Variants in SNX29 observed in about 807,000 individuals in gnomAD.
SNX29 encodes the protein sorting nexin 29.
Under a neutral mutation model 102.1 loss-of-function variants are expected in SNX29, and 78 were observed. The ratio of observed to expected loss-of-function variants is 0.76; its 90% CI spans 0.64 to 0.92. The LOEUF (loss-of-function observed/expected upper bound fraction) is 0.92, where lower values mean the gene tolerates loss of function less well. SNX29 is among the 40% of genes least tolerant of loss of function. SNX29 has a pLI of 0.00. For synonymous variants in SNX29, 580 were observed against 414.5 expected, an observed-to-expected ratio of 1.40 and a Z score of -4.85; for missense variants, 1,280 against 1,061.7, an observed-to-expected ratio of 1.21 and a Z score of -2.86.
chr16:12,057,882 A>G (rs750975777), intron 8 of SNX29, among the ~76,000 whole-genome samples: 14 of 151,296 alleles, frequency 9.3e-5, no homozygotes, highest in East Asian at 1.9e-4. Flanking sequence ...CAGTGGCACA[A>G]TCTTGGCTCA....
chr16:12,163,632 G>A (rs2055888662), intron 13 of SNX29, among the ~76,000 whole-genome samples: 1 of 152,200 alleles, frequency 6.6e-6, no homozygotes, highest in Admixed American at 6.5e-5. Context: ...ATCTCCTGTA[G>A]AAGCTTCCCT....
intron 11 of SNX29, among the ~76,000 whole-genome samples, chr16:12,122,636 T>C (rs927673133): frequency 6.6e-6 from 1 of 151,814 alleles, no homozygotes; most frequent in African/African-American, 2.4e-5. Flanking sequence ...GCAAAGGAGA[T>C]GGGCAGAGGC....
Position 12,340,694 on chromosome 16 carries a change from C to T in SNX29, c.1783-15469C>T, listed in dbSNP as rs115149253. The stretch of plus-strand genomic sequence containing the variant: ...AACAGTCGGGAGGGACCAGAAGGGA[C>T]GATCTCCCCTGTCTCTCTTTCACAA... On this transcript the variant is annotated intron_variant, in intron 15 of 20. Transcript: ENST00000566228. Among the ~76,000 whole-genome samples the T allele has an allele frequency of 1.1e-3, 160 of 152,228 alleles. 1 individual carries two copies. The highest frequency in any genetic ancestry group is 3.5e-3 in the African/African-American group (145 of 41,542).
At chr16:12,247,827 C>T (rs1016735796) in intron 14 of SNX29, among the ~76,000 whole-genome samples, 3 of 152,134 alleles carry the variant, frequency 2.0e-5, no homozygotes, top group Non-Finnish European at 4.4e-5. Flanking sequence ...CAGTTATGAC[C>T]ACATGTGCTT....
At chr16:12,155,571 C>G (rs571869219) in intron 13 of SNX29, among the ~76,000 whole-genome samples, 1 of 152,302 alleles carries the variant, frequency 6.6e-6, no homozygotes, top group South Asian at 2.1e-4. Context: ...ACTGAGCCAA[C>G]TATAACTGGG....
rs1300877853 is a variant in SNX29 at position 12,523,821 on chromosome 16, GC to G, written c.2179-879del. Reference sequence around the variant, plus strand: ...TGGGGACCTGTGCCTGCCTTCTGGGGCCACGCTGCACAGCCCAGCCTGGTAT... The same window carrying G: ...TGGGGACCTGTGCCTGCCTTCTGGGGCACGCTGCACAGCCCAGCCTGGTAT... On this transcript the variant is annotated intron_variant, in intron 19 of 20. Transcript: ENST00000566228. 4.6e-5 allele frequency among the ~76,000 whole-genome samples: 7 copies of G among 152,294 alleles called. No homozygotes were observed. The East Asian group carries it at 1.4e-3, about 29-fold the overall frequency.
intron 14 of SNX29, among the ~76,000 whole-genome samples, chr16:12,242,475 C>T (rs1339732321): frequency 6.6e-6 from 1 of 150,872 alleles, no homozygotes; most frequent in African/African-American, 2.4e-5. Flanking sequence ...GTGGCCATCT[C>T]TGTCTGTGAG....
chr16:12,571,512 G>T lies in SNX29; in HGVS notation c.*2883G>T. The T allele has an allele frequency of 1.6e-6, 1 of 616,348 alleles. No homozygotes were observed. The highest frequency in any genetic ancestry group is 2.1e-6 in the Non-Finnish European group (1 of 469,392). The allele number at this position is 616,348 out of a possible 1,614,324, so 38.2% of individuals were successfully genotyped here. On this transcript the variant is annotated 3_prime_UTR_variant, in exon 21 of 21. Transcript: ENST00000566228. The stretch of plus-strand genomic sequence containing the variant: ...AACGAGGGTGGCCCACCTCTCAAGG[G>T]CCTTGGATTCCTGGGACCACCCTTT...
In SNX29 at chr16:12,571,167, G is replaced by C. The variant is rs1024121786; in HGVS notation, c.*2538G>C. The C allele has an allele frequency of 4.3e-6, 1 of 232,452 alleles. No individual in the cohort carries two copies. The highest frequency in any genetic ancestry group is 2.2e-5 in the African/African-American group (1 of 45,276). 14.4% of individuals were successfully genotyped at this position (232,452 alleles called of 1,614,324 possible). On this transcript the variant is annotated 3_prime_UTR_variant, in exon 21 of 21. Coordinates refer to ENST00000566228, the MANE Select transcript of SNX29 (RefSeq NM_032167.5). Reference sequence around the variant, plus strand: ...TTGCTGCTCAGAAGAATCCCGTCCTGCTCTCTAGTGTGGTGGGATGAACTT... The same window carrying C: ...TTGCTGCTCAGAAGAATCCCGTCCTCCTCTCTAGTGTGGTGGGATGAACTT...
chr16:12,538,037 C>A (rs979817001), intron 20 of SNX29, among the ~76,000 whole-genome samples: 1 of 151,850 alleles, frequency 6.6e-6, no homozygotes, highest in Non-Finnish European at 1.5e-5. Flanking sequence ...ATCGTCCTGT[C>A]CTGCTAAAGT....
intron 13 of SNX29, among the ~76,000 whole-genome samples, chr16:12,158,781 T>C (rs1159361126): frequency 6.6e-6 from 1 of 152,238 alleles, no homozygotes; most frequent in Non-Finnish European, 1.5e-5. Context: ...TTGAGCCTGT[T>C]TCCTTATTTG....
Position 12,509,112 on chromosome 16 carries a change from T to C in SNX29, c.2179-15590T>C, listed in dbSNP as rs189497014. Among the ~76,000 whole-genome samples the C allele has an allele frequency of 2.2e-4, 33 of 152,196 alleles. No homozygotes were observed. The East Asian group carries it at 6.2e-3, about 28-fold the overall frequency. ...CTCTGCAGTGAAGAATTTATGCTGG[T>C]TGTAGAGGCTACAATTAAGGCAGTT... On this transcript the variant is annotated intron_variant, in intron 19 of 20. Transcript: ENST00000566228.
intron 15 of SNX29, among the ~76,000 whole-genome samples, chr16:12,278,477 A>G (rs927930079): frequency 6.6e-6 from 1 of 152,172 alleles, no homozygotes; most frequent in Non-Finnish European, 1.5e-5. Flanking sequence ...AAGAAAAGAA[A>G]AAAAAAACCA....
chr16:12,501,610 T>A (rs757784435), intron 19 of SNX29, among the ~76,000 whole-genome samples: 3 of 150,442 alleles, frequency 2.0e-5, no homozygotes, highest in Non-Finnish European at 4.4e-5. Flanking sequence ...TAGTCCCAGC[T>A]ACTTGGGAGG....
chr16:12,238,005 C>T (rs1255196811), intron 14 of SNX29, among the ~76,000 whole-genome samples: 2 of 152,138 alleles, frequency 1.3e-5, no homozygotes, highest in Non-Finnish European at 2.9e-5. Flanking sequence ...GCTTTTGTGA[C>T]ATGCATAGCA....
intron 18 of SNX29, among the ~76,000 whole-genome samples, chr16:12,447,979 C>T (rs2086139064): frequency 6.6e-6 from 1 of 152,162 alleles, no homozygotes; most frequent in African/African-American, 2.4e-5. Flanking sequence ...TCACATCTAG[C>T]ACCGGGAAGG....
At chr16:12,126,735 T>C (rs1481605948) in intron 12 of SNX29, 39 bp downstream of exon 12, 1 of 1,609,098 alleles carries the variant, frequency 6.2e-7, no homozygotes, top group Admixed American at 1.7e-5. Context: ...GCCTCTTTCT[T>C]TGACATTCTG....
intron 15 of SNX29, among the ~76,000 whole-genome samples, chr16:12,313,489 A>G (rs1212751854): frequency 6.6e-6 from 1 of 152,208 alleles, no homozygotes; most frequent in Non-Finnish European, 1.5e-5. Context: ...CCATGGCTTG[A>G]TAAGTTCCTG....
rs925466199 is a variant in SNX29 at position 12,568,423 on chromosome 16, C to G, written c.2319-83C>G. On this transcript the variant is annotated intron_variant, in intron 20 of 20. Coordinates refer to ENST00000566228, the MANE Select transcript of SNX29 (RefSeq NM_032167.5). ...AGTTGCCAATCAGATCCCTCCTGCC[C>G]TCACACCTGGCTCCCCTTCCTGGCC... 3.2e-6 allele frequency: 5 copies of G among 1,568,518 alleles called. No homozygotes were observed. The African/African-American group carries it at 4.0e-5, about 13-fold the overall frequency.
Sources: allele counts gnomAD v4.1 joint callset (sites outside exome capture counted in the v4.1 genomes callset), GRCh38; gene constraint gnomAD v4.1.1; transcripts MANE v1.5; gene names NCBI Gene and HGNC (gene_info 2026-07-23, HGNC 2026-07-21).